PTK2: variants seen among roughly 807,000 people sequenced by gnomAD.
PTK2 encodes the protein focal adhesion kinase 1.
PTK2 carries 45 observed loss-of-function variants against 150.1 expected under a neutral mutation model. The ratio of observed to expected loss-of-function variants is 0.30; its 90% CI spans 0.24 to 0.38. The LOEUF (loss-of-function observed/expected upper bound fraction) is 0.38, where lower values mean the gene tolerates loss of function less well. PTK2 is among the 10% of genes least tolerant of loss of function. PTK2 has a pLI of 1.00. For missense variants in PTK2, 919 were observed against 1,307.3 expected, an observed-to-expected ratio of 0.70 and a Z score of 4.58; for synonymous variants, 432 against 449.2, an observed-to-expected ratio of 0.96 and a Z score of 0.48.
chr8:140,666,634 T>C (rs2092032452), intron 30 of PTK2, among the ~76,000 whole-genome samples: 2 of 151,820 alleles, frequency 1.3e-5, no homozygotes, highest in Admixed American at 1.3e-4. Context: ...CACGTTTTGG[T>C]GAGAATATGG....
chr8:140,728,497 T>A (rs1014390730), intron 22 of PTK2, among the ~76,000 whole-genome samples: 3 of 152,218 alleles, frequency 2.0e-5, no homozygotes, highest in African/African-American at 7.2e-5. Flanking sequence ...GTGCTTACCA[T>A]GAGCAATGGA....
At chr8:140,737,671 G>A (rs1265051106) in intron 21 of PTK2, among the ~76,000 whole-genome samples, 1 of 152,130 alleles carries the variant, frequency 6.6e-6, no homozygotes, top group Admixed American at 6.5e-5. Context: ...CTACTTGAGT[G>A]GAAAGCAAGG....
At chr8:140,784,942 T>C (rs1487363521) in intron 14 of PTK2, among the ~76,000 whole-genome samples, 1 of 152,184 alleles carries the variant, frequency 6.6e-6, no homozygotes, top group Non-Finnish European at 1.5e-5. Context: ...TGCAACAAAA[T>C]ATGAAAAAGT....
chr8:140,903,083 G>C lies in PTK2; in HGVS notation c.-32-12314C>G, dbSNP rs574877598. ...CCTATGTCCTGAATGGTATTGCCTAGGTTTTCTTCCAGGGTTTTTATGGTT... is the reference window on the plus strand; with the variant it reads ...CCTATGTCCTGAATGGTATTGCCTACGTTTTCTTCCAGGGTTTTTATGGTT... On this transcript the variant is annotated intron_variant, in intron 2 of 31. Transcript: ENST00000522684. Among the ~76,000 whole-genome samples, 13 of 151,784 alleles carry C rather than the reference G, an allele frequency of 8.6e-5. No homozygotes were observed. In the South Asian group the frequency reaches 2.7e-3, roughly 32 times the overall value.
chr8:140,772,359 T>C (rs2100075969), intron 14 of PTK2, among the ~76,000 whole-genome samples: 1 of 152,014 alleles, frequency 6.6e-6, no homozygotes, highest in East Asian at 1.9e-4. Flanking sequence ...AGCCAGGAGG[T>C]AGAGCCTGGA....
intron 4 of PTK2, among the ~76,000 whole-genome samples, chr8:140,873,793 T>C (rs1443668821): frequency 6.6e-6 from 1 of 152,188 alleles, no homozygotes; most frequent in Non-Finnish European, 1.5e-5. Context: ...TCAGAACTCT[T>C]ACCACCACCC....
At chr8:140,834,895 C>T (rs1240730556) in intron 7 of PTK2, among the ~76,000 whole-genome samples, 2 of 152,206 alleles carry the variant, frequency 1.3e-5, no homozygotes, top group East Asian at 3.8e-4. Context: ...TTTAACACTC[C>T]ACTGATTCCT....
chr8:140,977,802 G>A (rs913106344), intron 1 of PTK2, among the ~76,000 whole-genome samples: 1 of 151,794 alleles, frequency 6.6e-6, no homozygotes, highest in Non-Finnish European at 1.5e-5. Context: ...ACAATAAAAA[G>A]TACTCATCAT....
At chr8:140,841,771 T>C (rs1183275383) in intron 7 of PTK2, among the ~76,000 whole-genome samples, 1 of 151,932 alleles carries the variant, frequency 6.6e-6, no homozygotes, top group Admixed American at 6.6e-5. Flanking sequence ...TAAAATATAG[T>C]TAATTTACAA....
chr8:140,670,476 A>C lies in PTK2; in HGVS notation c.2710-2052T>G, dbSNP rs1194814624. ...TGTCTCAAAAAAAAAAAAAAAAAAA[A>C]AAAAAAACAACAACACACACACACA... is the stretch of plus-strand genomic sequence containing the variant. On this transcript the variant is annotated intron_variant, in intron 29 of 31. Coordinates refer to ENST00000522684, the Ensembl canonical transcript of PTK2. Among the ~76,000 whole-genome samples the C allele has an allele frequency of 1.3e-3, 81 of 64,720 alleles. 1 individual carries two copies. Among genetic ancestry groups the C allele is most frequent in the African/African-American group, 4.1e-3 (71 of 17,278 alleles). The allele number at this position is 64,720 out of a possible 152,430, so 42.5% of individuals were successfully genotyped here.
intron 23 of PTK2, among the ~76,000 whole-genome samples, chr8:140,708,394 CTTCT>C (rs564374282): frequency 1.1e-4 from 16 of 152,158 alleles, no homozygotes; most frequent in Non-Finnish European, 2.4e-4. Flanking sequence ...TTAGATGTTA[CTTCT>C]TTCACGCAAC....
At chr8:140,825,325 T>C (rs1235452853) in intron 8 of PTK2, among the ~76,000 whole-genome samples, 3 of 152,198 alleles carry the variant, frequency 2.0e-5, no homozygotes, top group Non-Finnish European at 2.9e-5. Flanking sequence ...TACCAAGATA[T>C]GCATTTCTGT....
At chr8:140,948,829 A>T (rs2100178562) in intron 1 of PTK2, 1 of 152,380 alleles carries the variant, frequency 6.6e-6, no homozygotes, top group South Asian at 2.1e-4. Context: ...AACTATTTGC[A>T]AAGGATTTAC....
intron 3 of PTK2, among the ~76,000 whole-genome samples, chr8:140,886,228 T>C (rs1409784179): frequency 5.3e-5 from 8 of 152,134 alleles, no homozygotes; most frequent in African/African-American, 1.9e-4. Flanking sequence ...GAGCACTGGA[T>C]GGTTATTTTG....
chr8:140,955,886 C>T (rs565963915), intron 1 of PTK2, among the ~76,000 whole-genome samples: 1 of 152,282 alleles, frequency 6.6e-6, no homozygotes, highest in African/African-American at 2.4e-5. Context: ...AGACTATCTA[C>T]GATGCAGCTA....
chr8:140,917,166 G>A (rs1189213912), intron 2 of PTK2, among the ~76,000 whole-genome samples: 2 of 152,136 alleles, frequency 1.3e-5, no homozygotes, highest in African/African-American at 4.8e-5. Flanking sequence ...CGAGGTGGGT[G>A]GATTACTTGA....
intron 5 of PTK2, among the ~76,000 whole-genome samples, chr8:140,854,081 T>C (rs955297740): frequency 1.3e-5 from 2 of 152,238 alleles, no homozygotes; most frequent in Non-Finnish European, 2.9e-5. Flanking sequence ...TAGTTAAGTT[T>C]AGATTCTATA....
intron 23 of PTK2, among the ~76,000 whole-genome samples, chr8:140,714,580 T>C (rs2100038571): frequency 6.6e-6 from 1 of 151,560 alleles, no homozygotes; most frequent in Non-Finnish European, 1.5e-5. Context: ...GCAGATCACC[T>C]GAGATCAGGA....
intron 5 of PTK2, among the ~76,000 whole-genome samples, chr8:140,858,808 C>A (rs996249580): frequency 6.6e-6 from 1 of 152,182 alleles, no homozygotes; most frequent in Non-Finnish European, 1.5e-5. Context: ...AAAACTGGAA[C>A]CTTAACAATA....
Sources: gnomAD v4.1 joint callset for allele counts (sites outside exome capture counted in the v4.1 genomes callset) on GRCh38, gnomAD v4.1.1 for gene constraint, MANE v1.5 for transcripts, NCBI Gene and HGNC (gene_info 2026-07-23, HGNC 2026-07-21) for gene names.